The following ZBTB20 variants were observed in gnomAD, a reference collection of about 807,000 sequenced individuals.
The protein encoded by ZBTB20 is zinc finger and BTB domain-containing protein 20.
Under a neutral mutation model 56.9 loss-of-function variants are expected in ZBTB20, and 9 were observed. That is an observed-to-expected ratio of 0.16 (90% confidence interval 0.10 to 0.28). ZBTB20 has a LOEUF of 0.28. Among genes scored for constraint, ZBTB20 ranks in the 10% least tolerant of loss-of-function variants. The pLI is 1.00. For missense variants in ZBTB20, 655 were observed against 1,003.0 expected (o/e 0.65, Z 4.69); for synonymous variants, 417 against 420.7 (o/e 0.99, Z 0.11).
intron 6 of ZBTB20, among the ~76,000 whole-genome samples, chr3:114,635,670 AGAG>A (rs1480170847): frequency 1.3e-5 from 2 of 151,948 alleles, no homozygotes; most frequent in Non-Finnish European, 2.9e-5. Flanking sequence ...AAGATTCACT[AGAG>A]GAGTTCAAAA....
chr3:114,677,509 A>T (rs528389798), intron 6 of ZBTB20, among the ~76,000 whole-genome samples: 1 of 152,206 alleles, frequency 6.6e-6, no homozygotes, highest in African/African-American at 2.4e-5. Flanking sequence ...CACACTCCTT[A>T]TGAGAATCTA....
intron 4 of ZBTB20, among the ~76,000 whole-genome samples, chr3:114,839,419 G>GAAAGA (rs2074270207): frequency 1.4e-5 from 2 of 143,858 alleles, no homozygotes; most frequent in Non-Finnish European, 3.0e-5. Context: ...AAGAAAGAAA[G>GAAAGA]AAAGAAAGAA....
Position 114,351,283 on chromosome 3 carries a change from T to C in ZBTB20, c.795A>G (p.Ala265=), listed in dbSNP as rs755946458. ...GCGCAGTCTCGTGGTGGCTGACCAC[T>C]GCGCCGCTGTAAAAAGAGCGCTCGC... is the stretch of plus-strand genomic sequence containing the variant. ...GSGERSFYSG[A]VVSHHETALG... The change falls in exon 11 of 12, where the codon GCA becomes GCG. Residue 265 remains alanine, a synonymous_variant. Transcript: ENST00000675478. The C allele has an allele frequency of 2.5e-6, 4 of 1,603,374 alleles. No individual in the cohort carries two copies. The highest frequency in any genetic ancestry group is 1.7e-5 in the Admixed American group (1 of 59,952).
intron 1 of ZBTB20, among the ~76,000 whole-genome samples, chr3:115,104,087 C>T (rs544206600): frequency 1.3e-5 from 2 of 152,066 alleles, no homozygotes; most frequent in African/African-American, 4.8e-5. Context: ...GGCAAATAAG[C>T]GTATGAAAGG....
rs769034894 is a variant in ZBTB20 at position 114,351,370 on chromosome 3, T to G, written c.708A>C (p.Pro236=). ...DTESGYLQSH[P]QHSVDRIYSA... is the part of the protein sequence containing the mutation. ...AGTAGATCCTGTCCACGCTGTGCTG[T>G]GGGTGGCTCTGCAGGTAGCCCGACT... The change falls in exon 11 of 12, where the codon CCA becomes CCC. Residue 236 remains proline (P), a synonymous_variant. Transcript: ENST00000675478. 90 of 1,611,270 alleles carry G rather than the reference T, an allele frequency of 5.6e-5. No individual in the cohort carries two copies. Among genetic ancestry groups the G allele is most frequent in the Non-Finnish European group, 7.5e-5 (89 of 1,179,704 alleles).
chr3:114,622,142 A>G (rs558286211), intron 6 of ZBTB20, among the ~76,000 whole-genome samples: 19 of 152,264 alleles, frequency 1.2e-4, no homozygotes, highest in African/African-American at 4.1e-4. Flanking sequence ...ACGCAGTTCT[A>G]ATAGACATCC....
At chr3:114,573,898 C>T (rs2053718340) in intron 6 of ZBTB20, among the ~76,000 whole-genome samples, 1 of 151,992 alleles carries the variant, frequency 6.6e-6, no homozygotes, top group South Asian at 2.1e-4. Context: ...TAAGAAAGTT[C>T]AATAAAAAGG....
chr3:114,946,485 A>T (rs2076891910), intron 3 of ZBTB20, among the ~76,000 whole-genome samples: 1 of 145,648 alleles, frequency 6.9e-6, no homozygotes, highest in Non-Finnish European at 1.5e-5. Context: ...CACAAATTTC[A>T]AAGATGAAAA....
chr3:114,456,076 A>G (rs2091993118), intron 7 of ZBTB20, among the ~76,000 whole-genome samples: 1 of 152,104 alleles, frequency 6.6e-6, no homozygotes, highest in Non-Finnish European at 1.5e-5. Context: ...CCAAATAAGA[A>G]GATTACTCCA....
chr3:114,616,931 T>C (rs1270306377), intron 6 of ZBTB20, among the ~76,000 whole-genome samples: 2 of 152,344 alleles, frequency 1.3e-5, no homozygotes, highest in South Asian at 2.1e-4. Flanking sequence ...TTAAATTGTG[T>C]CAATTTTGCC....
At chr3:115,092,048 T>C (rs895680696) in intron 1 of ZBTB20, among the ~76,000 whole-genome samples, 1 of 152,154 alleles carries the variant, frequency 6.6e-6, no homozygotes, top group South Asian at 2.1e-4. Context: ...AATTCTAAAT[T>C]AAATACTTCC....
intron 2 of ZBTB20, among the ~76,000 whole-genome samples, chr3:115,040,365 T>G (rs2081092287): frequency 6.6e-6 from 1 of 152,170 alleles, no homozygotes; most frequent in Non-Finnish European, 1.5e-5. Flanking sequence ...TAGAAGCCTG[T>G]GCTCTGGGAG....
At chr3:114,460,813 C>G (rs1005866949) in intron 7 of ZBTB20, among the ~76,000 whole-genome samples, 4 of 152,168 alleles carry the variant, frequency 2.6e-5, no homozygotes, top group Non-Finnish European at 4.4e-5. Flanking sequence ...TATTTCTTAG[C>G]TCTTTAAAAA....
intron 6 of ZBTB20, among the ~76,000 whole-genome samples, chr3:114,617,727 C>T (rs1286123284): frequency 1.3e-5 from 2 of 152,184 alleles, no homozygotes; most frequent in African/African-American, 4.8e-5. Flanking sequence ...ACACAGACTT[C>T]CTTGTTGTCA....
chr3:115,005,594 A>G lies in ZBTB20; in HGVS notation c.-506-31178T>C, dbSNP rs78441894. On this transcript the variant is annotated intron_variant, in intron 2 of 11. Coordinates refer to ENST00000675478, the MANE Select transcript of ZBTB20 (RefSeq NM_001348800.3). ...TCTGAACATCTCTTTGCATTAATAT[A>G]ATTAATCCCAGTTTACAGAAGACAA... Among the ~76,000 whole-genome samples, 631 of 151,912 alleles carry G rather than the reference A, an allele frequency of 4.2e-3. 6 individuals are homozygous for G. Among genetic ancestry groups the G allele is most frequent in the African/African-American group, 0.014 (589 of 41,504 alleles).
intron 2 of ZBTB20, among the ~76,000 whole-genome samples, chr3:115,002,619 C>G (rs1437063085): frequency 6.6e-6 from 1 of 151,404 alleles, no homozygotes; most frequent in East Asian, 2.0e-4. Context: ...TAGAGAATTG[C>G]AAATTAAAAC....
chr3:115,071,749 C>T (rs2082414779), intron 1 of ZBTB20, among the ~76,000 whole-genome samples: 1 of 152,132 alleles, frequency 6.6e-6, no homozygotes, highest in African/African-American at 2.4e-5. Context: ...CATGAAGGGA[C>T]GGACCCTGAG....
intron 5 of ZBTB20, among the ~76,000 whole-genome samples, chr3:114,712,302 C>T (rs1255880532): frequency 2.6e-5 from 4 of 152,152 alleles, no homozygotes; most frequent in African/African-American, 9.7e-5. Flanking sequence ...ATCTACACTT[C>T]TTTACTCAAC....
At chr3:114,463,724 A>G (rs1012230607) in intron 7 of ZBTB20, among the ~76,000 whole-genome samples, 2 of 152,236 alleles carry the variant, frequency 1.3e-5, no homozygotes, top group Admixed American at 1.3e-4. Context: ...GTGCATTAAC[A>G]TTTAAAAGAA....
Sources: gnomAD v4.1 joint callset for allele counts (sites outside exome capture counted in the v4.1 genomes callset) on GRCh38, gnomAD v4.1.1 for gene constraint, MANE v1.5 for transcripts, NCBI Gene and HGNC (gene_info 2026-07-23, HGNC 2026-07-21) for gene names.